Variants in GALNT7 observed in about 807,000 individuals in gnomAD.
GALNT7 encodes N-acetylgalactosaminyltransferase 7.
Under a neutral mutation model 82.1 loss-of-function variants are expected in GALNT7, and 60 were observed. The ratio of observed to expected loss-of-function variants is 0.73; its 90% CI spans 0.59 to 0.91. GALNT7 has a LOEUF of 0.91. GALNT7 is among the 40% of genes least tolerant of loss of function. GALNT7 has a pLI of 0.00. For synonymous variants in GALNT7, 243 were observed against 275.1 expected (o/e 0.88, Z 1.15); for missense variants, 660 against 804.2 (o/e 0.82, Z 2.17).
chr4:173,188,939 G>A (rs923067217), intron 1 of GALNT7, among the ~76,000 whole-genome samples: 3 of 152,148 alleles, frequency 2.0e-5, no homozygotes, highest in East Asian at 1.9e-4. Flanking sequence ...TCCCCTGTCC[G>A]CTGCTGAGTA....
chr4:173,266,195 C>T (rs1003739311), intron 2 of GALNT7, among the ~76,000 whole-genome samples: 43 of 152,186 alleles, frequency 2.8e-4, no homozygotes, highest in African/African-American at 8.9e-4. Context: ...GAGAGGCGGA[C>T]GTTGCAGTGA....
intron 1 of GALNT7, among the ~76,000 whole-genome samples, chr4:173,212,644 C>T (rs1321456858): frequency 2.0e-5 from 3 of 147,702 alleles, no homozygotes; most frequent in African/African-American, 5.0e-5. Flanking sequence ...TTTTTTTTAT[C>T]AGCTATGATG....
rs574044975 is a variant in GALNT7 at position 173,231,638 on chromosome 4, C to T, written c.127-16342C>T. ...GGATTGGAGTATGTAACATACTTAA[C>T]GGTGTCTAGTAGTTTTATTTTTTAA... is the stretch of plus-strand genomic sequence containing the variant. On this transcript the variant is annotated intron_variant, in intron 1 of 11. Transcript: ENST00000265000. Among the ~76,000 whole-genome samples the T allele has an allele frequency of 7.2e-5, 11 of 152,286 alleles. No homozygotes were observed. In the South Asian group the frequency reaches 8.3e-4, roughly 11 times the overall value.
intron 2 of GALNT7, among the ~76,000 whole-genome samples, chr4:173,255,301 A>T (rs555748359): frequency 6.6e-6 from 1 of 152,094 alleles, no homozygotes; most frequent in African/African-American, 2.4e-5. Flanking sequence ...CCCAGACCTC[A>T]TTTGGTTGAT....
intron 2 of GALNT7, among the ~76,000 whole-genome samples, chr4:173,270,999 G>C (rs1735701580): frequency 6.6e-6 from 1 of 152,218 alleles, no homozygotes; most frequent in Non-Finnish European, 1.5e-5. Flanking sequence ...GAAGCACAAA[G>C]TTCCCCTCAG....
At chr4:173,297,034 T>C (rs1736740140) in intron 5 of GALNT7, among the ~76,000 whole-genome samples, 1 of 152,220 alleles carries the variant, frequency 6.6e-6, no homozygotes, top group Admixed American at 6.5e-5. Flanking sequence ...TAAAATCCTT[T>C]CTGACGAGAT....
intron 1 of GALNT7, among the ~76,000 whole-genome samples, chr4:173,192,206 G>A (rs1032405110): frequency 6.6e-6 from 1 of 152,126 alleles, no homozygotes; most frequent in Non-Finnish European, 1.5e-5. Context: ...ATATTTACCA[G>A]TTACTATATA....
intron 2 of GALNT7, among the ~76,000 whole-genome samples, chr4:173,280,164 C>T (rs771507772): frequency 3.3e-5 from 5 of 152,052 alleles, no homozygotes; most frequent in Non-Finnish European, 5.9e-5. Flanking sequence ...TTAAGAGGAG[C>T]GAGAGATGAG....
rs1234373162 is a variant in GALNT7, at chr4:173,298,162, A to G, written c.1013A>G (p.Tyr338Cys). The G allele has an allele frequency of 2.5e-6, 4 of 1,614,028 alleles. No individual in the cohort carries two copies. Among genetic ancestry groups the G allele is most frequent in the Non-Finnish European group, 3.4e-6 (4 of 1,179,990 alleles). Residue 338 changes from tyrosine (Y) to cysteine (C), a missense_variant, in exon 6 of 12, where the codon TAT becomes TGT. By Grantham distance (194) the Tyr-to-Cys change is radical (BLOSUM62 -2). Transcript: ENST00000265000. Reference sequence around the variant, plus strand: ...ATAGATGTCATAAATGGCAACACATATGAAATTATACCCCAAGGGGGTGGT... The same window carrying G: ...ATAGATGTCATAAATGGCAACACATGTGAAATTATACCCCAAGGGGGTGGT... ...PLIDVINGNT[Y>C]EIIPQGGGDE...
intron 2 of GALNT7, among the ~76,000 whole-genome samples, chr4:173,291,043 G>C (rs1298631959): frequency 6.6e-6 from 1 of 151,966 alleles, no homozygotes; most frequent in East Asian, 1.9e-4. Flanking sequence ...TTTCTATCTT[G>C]CCCTTTTCCC....
chr4:173,223,737 T>C (rs1733713273), intron 1 of GALNT7, among the ~76,000 whole-genome samples: 1 of 152,226 alleles, frequency 6.6e-6, no homozygotes. Flanking sequence ...TGAACATTCA[T>C]ACAAGTACCT....
At chr4:173,259,449 A>C (rs1399037362) in intron 2 of GALNT7, among the ~76,000 whole-genome samples, 1 of 151,416 alleles carries the variant, frequency 6.6e-6, no homozygotes, top group Non-Finnish European at 1.5e-5. Flanking sequence ...TTTAATAACA[A>C]ATACCGGGAG....
At chr4:173,287,494 T>C (rs984500980) in intron 2 of GALNT7, among the ~76,000 whole-genome samples, 1 of 152,232 alleles carries the variant, frequency 6.6e-6, no homozygotes, top group Non-Finnish European at 1.5e-5. Context: ...TGGGGTGTTA[T>C]CCATGTAGAA....
At chr4:173,221,339 C>T (rs1010598694) in intron 1 of GALNT7, among the ~76,000 whole-genome samples, 1 of 152,114 alleles carries the variant, frequency 6.6e-6, no homozygotes, top group African/African-American at 2.4e-5. Flanking sequence ...GGAGTTACAG[C>T]AGAAGAAAGA....
chr4:173,221,423 G>A lies in GALNT7; in HGVS notation c.127-26557G>A, dbSNP rs114264772. On this transcript the variant is annotated intron_variant, in intron 1 of 11. Transcript: ENST00000265000. ...AAGTCAACATGAATAAAATGGAGAAGCAATCAATGCTGAGCTGAATTTTTC... is the reference window on the plus strand; with the variant it reads ...AAGTCAACATGAATAAAATGGAGAAACAATCAATGCTGAGCTGAATTTTTC... 2.0e-3 allele frequency among the ~76,000 whole-genome samples: 299 copies of A among 152,314 alleles called. 1 individual carries two copies. Among genetic ancestry groups the A allele is most frequent in the African/African-American group, 6.9e-3 (288 of 41,572 alleles).
intron 2 of GALNT7, among the ~76,000 whole-genome samples, chr4:173,257,408 T>C (rs1381517013): frequency 6.6e-6 from 1 of 152,212 alleles, no homozygotes; most frequent in African/African-American, 2.4e-5. Context: ...CATTTTAAGC[T>C]GAATATGTAA....
At chr4:173,265,701 C>T (rs1735462255) in intron 2 of GALNT7, among the ~76,000 whole-genome samples, 2 of 137,900 alleles carry the variant, frequency 1.5e-5, no homozygotes, top group Non-Finnish European at 3.1e-5. Context: ...GTCTCTCTCC[C>T]TTCTTCCTTC....
At chr4:173,259,845 C>A (rs887140734) in intron 2 of GALNT7, among the ~76,000 whole-genome samples, 4 of 152,070 alleles carry the variant, frequency 2.6e-5, no homozygotes, top group Non-Finnish European at 4.4e-5. Context: ...GCCTTGTTGG[C>A]CAGGCTGGTC....
At chr4:173,235,998 T>C (rs1734217341) in intron 1 of GALNT7, among the ~76,000 whole-genome samples, 1 of 152,234 alleles carries the variant, frequency 6.6e-6, no homozygotes, top group African/African-American at 2.4e-5. Context: ...TGCTTACCTT[T>C]GTATCTCTGT....
Sources: gnomAD v4.1 joint callset for allele counts (sites outside exome capture counted in the v4.1 genomes callset) on GRCh38, gnomAD v4.1.1 for gene constraint, MANE v1.5 for transcripts, NCBI Gene and HGNC (gene_info 2026-07-23, HGNC 2026-07-21) for gene names.